The following ADARB1 variants were observed in gnomAD, a reference collection of about 807,000 sequenced individuals.
The protein encoded by ADARB1 is double-stranded RNA-specific editase 1.
A neutral mutation model predicts 52.4 loss-of-function variants in ADARB1; 10 were observed. The ratio of observed to expected loss-of-function variants is 0.19; its 90% CI spans 0.12 to 0.32. The LOEUF is 0.32. ADARB1 is among the 10% of genes least tolerant of loss of function. ADARB1 has a pLI of 1.00. For synonymous variants in ADARB1, 349 were observed against 371.1 expected, an observed-to-expected ratio of 0.94 and a Z score of 0.68; for missense variants, 643 against 922.3, an observed-to-expected ratio of 0.70 and a Z score of 3.92.
chr21:45,176,097 C>G lies in ADARB1; in HGVS notation c.396C>G (p.Leu132=), dbSNP rs1034977318. 7.4e-6 allele frequency: 12 copies of G among 1,613,814 alleles called. No individual in the cohort carries two copies. The highest frequency in any genetic ancestry group is 3.3e-5 in the Admixed American group (2 of 59,956). The stretch of plus-strand genomic sequence containing the variant: ...GTCCCACAAAGAAAAAGGCAAAACT[C>G]CATGCTGCTGAGAAGGCCTTGAGGT... ...GSGPTKKKAK[L]HAAEKALRSF... Residue 132 remains leucine, a synonymous_variant, in exon 4 of 11, where the codon CTC becomes CTG. Transcript: ENST00000348831. This position sits in a 1 kb window ranked among gnomAD's most constrained non-coding sequence, Gnocchi z 5.8.
intron 1 of ADARB1, among the ~76,000 whole-genome samples, chr21:45,083,660 A>C (rs902776381): frequency 1.3e-5 from 2 of 152,234 alleles, no homozygotes; most frequent in African/African-American, 4.8e-5. Flanking sequence ...GAAAAAATAC[A>C]TTTGATTCAA....
rs973955842 is a variant in ADARB1 at position 45,204,484 on chromosome 21, G to T, written c.1566-71G>T. The T allele has an allele frequency of 1.3e-6, 2 of 1,495,030 alleles. No individual in the cohort carries two copies. The highest frequency in any genetic ancestry group is 1.8e-6 in the Non-Finnish European group (2 of 1,091,012). 92.6% of individuals were successfully genotyped at this position (1,495,030 alleles called of 1,614,324 possible). A position where few individuals can be genotyped will look rare whatever the true frequency, so the allele number is the denominator to read the frequency against. ...ATTGCCAGTGCATCCCTGTAACCACGCAGGCTTGGGCTGGGCTGCGTCGAC... is the reference window on the plus strand; with the variant it reads ...ATTGCCAGTGCATCCCTGTAACCACTCAGGCTTGGGCTGGGCTGCGTCGAC... On this transcript the variant is annotated intron_variant, in intron 8 of 10. Transcript: ENST00000348831. The surrounding 1 kb of genome is among the most constrained non-coding windows in gnomAD (Gnocchi z 4.4).
intron 2 of ADARB1, chr21:45,146,369 C>T (rs2090007941): frequency 6.6e-6 from 1 of 152,208 alleles, no homozygotes; most frequent in South Asian, 2.1e-4. Context: ...TTTCTCATTT[C>T]AAGGAAAGCA....
intron 2 of ADARB1, chr21:45,144,962 G>T: frequency 5.7e-6 from 1 of 176,396 alleles, no homozygotes; most frequent in Non-Finnish European, 1.2e-5. Context: ...TGAAAATGAA[G>T]GTAAAATATA....
At chr21:45,206,234 T>A (rs2146359019) in intron 9 of ADARB1, among the ~76,000 whole-genome samples, 1 of 152,360 alleles carries the variant, frequency 6.6e-6, no homozygotes, top group Admixed American at 6.5e-5. Context: ...TATGCATAGA[T>A]ACTTAAAACA....
chr21:45,149,965 C>T (rs2090201157), intron 2 of ADARB1, among the ~76,000 whole-genome samples: 1 of 152,192 alleles, frequency 6.6e-6, no homozygotes, highest in African/African-American at 2.4e-5. Context: ...TTTGCTACCA[C>T]TTGATCTAAA....
rs2093046761 is a variant in ADARB1, at chr21:45,225,507, T to C, written c.*3310T>C. The C allele has an allele frequency of 2.3e-6, 3 of 1,318,546 alleles. No homozygotes were observed. The highest frequency in any genetic ancestry group is 5.6e-5 in the East Asian group (2 of 35,788). The allele number at this position is 1,318,546 out of a possible 1,614,324, so 81.7% of individuals were successfully genotyped here. On this transcript the variant is annotated 3_prime_UTR_variant, in exon 11 of 11. Coordinates refer to ENST00000348831, the MANE Select transcript of ADARB1 (RefSeq NM_001112.4). ...TCTCCAGGCTGTGGAATCGCCACTT[T>C]CTTTGTGAAGACAGTGTCTCTCCTT...
intron 2 of ADARB1, among the ~76,000 whole-genome samples, chr21:45,170,889 G>C (rs2091453860): frequency 6.6e-6 from 1 of 152,106 alleles, no homozygotes; most frequent in Admixed American, 6.5e-5. Flanking sequence ...TGTTCTTTGA[G>C]GATTTCCTGT....
At chr21:45,169,874 A>G (rs1247902263) in intron 2 of ADARB1, among the ~76,000 whole-genome samples, 1 of 152,150 alleles carries the variant, frequency 6.6e-6, no homozygotes, top group African/African-American at 2.4e-5. Flanking sequence ...TCTGAAGCTC[A>G]GTTTGACGAG....
At chr21:45,143,768 C>T (rs568461898) in intron 2 of ADARB1, among the ~76,000 whole-genome samples, 13 of 152,346 alleles carry the variant, frequency 8.5e-5, no homozygotes, top group African/African-American at 3.1e-4. Context: ...CAGAAGAGAA[C>T]ACTCTTCCCA....
In ADARB1 at chr21:45,200,524, G is replaced by A. The variant is rs2092529934; in HGVS notation, c.1566-4031G>A. On this transcript the variant is annotated intron_variant, in intron 8 of 10. Coordinates refer to ENST00000348831, the MANE Select transcript of ADARB1 (RefSeq NM_001112.4). The surrounding 1 kb of genome is among the most constrained non-coding windows in gnomAD (Gnocchi z 5.0). ...TATTCAGAGTCGGCTATGGCAAGGG[G>A]GCCAGAGCACTGTGTTGGGCAGACT... 6.6e-6 allele frequency among the ~76,000 whole-genome samples: 1 copy of A among 152,132 alleles called. No homozygotes were observed. The highest frequency in any genetic ancestry group is 2.4e-5 in the African/African-American group (1 of 41,422).
At chr21:45,203,577 C>T (rs1014806891) in intron 8 of ADARB1, among the ~76,000 whole-genome samples, 3 of 152,192 alleles carry the variant, frequency 2.0e-5, no homozygotes, top group Non-Finnish European at 2.9e-5. Context: ...AAAGAGAGAA[C>T]AGGCATATTG....
chr21:45,164,470 C>G (rs2091153655), intron 2 of ADARB1, among the ~76,000 whole-genome samples: 1 of 137,146 alleles, frequency 7.3e-6, no homozygotes, highest in Middle Eastern at 4.3e-3. Context: ...TCGCAGCCCA[C>G]TGGGAGAGGC....
At chr21:45,212,834 AAACAG>A (rs2092794497) in intron 9 of ADARB1, among the ~76,000 whole-genome samples, 1 of 152,232 alleles carries the variant, frequency 6.6e-6, no homozygotes, top group South Asian at 2.1e-4. Context: ...CTATATGAGA[AAACAG>A]AACAACTGAA....
intron 1 of ADARB1, among the ~76,000 whole-genome samples, chr21:45,082,041 C>CAAT (rs951619317): frequency 4.6e-5 from 7 of 151,958 alleles, no homozygotes; most frequent in Non-Finnish European, 8.8e-5. Context: ...TGGTTGTGGG[C>CAAT]AATAGATCAG....
intron 1 of ADARB1, among the ~76,000 whole-genome samples, chr21:45,093,260 CA>C (rs2086629845): frequency 6.6e-6 from 1 of 152,202 alleles, no homozygotes; most frequent in African/African-American, 2.4e-5. Flanking sequence ...CACCAGTTCC[CA>C]GGGCAGCCTC....
intron 2 of ADARB1, among the ~76,000 whole-genome samples, chr21:45,140,988 G>A (rs1307515475): frequency 6.6e-6 from 1 of 152,158 alleles, no homozygotes; most frequent in Non-Finnish European, 1.5e-5. Context: ...CCAGGAGTTT[G>A]AGACCAGTCT....
chr21:45,169,565 A>G (rs1239200127), intron 2 of ADARB1, among the ~76,000 whole-genome samples: 4 of 152,116 alleles, frequency 2.6e-5, no homozygotes, highest in African/African-American at 7.2e-5. Context: ...AGCTTTCTCT[A>G]CATCTCTCAG....
intron 2 of ADARB1, among the ~76,000 whole-genome samples, chr21:45,153,077 T>C (rs2090381651): frequency 6.6e-6 from 1 of 152,218 alleles, no homozygotes; most frequent in South Asian, 2.1e-4. Flanking sequence ...CATTAATGAC[T>C]TTTCTACATT....
Sources: gnomAD v4.1 joint callset for allele counts (sites outside exome capture counted in the v4.1 genomes callset) on GRCh38, gnomAD v4.1.1 for gene constraint, Gnocchi (gnomAD v3.1) non-coding constraint, MANE v1.5 for transcripts, NCBI Gene and HGNC (gene_info 2026-07-23, HGNC 2026-07-21) for gene names.